MROH7: variants seen among roughly 807,000 people sequenced by gnomAD.
MROH7 encodes maestro heat like repeat family member 7.
MROH7 carries 113 observed loss-of-function variants against 129.2 expected under a neutral mutation model. The observed-to-expected ratio is 0.87, with a 90% CI of 0.75 to 1.02. The LOEUF (loss-of-function observed/expected upper bound fraction) is 1.02, where lower values mean the gene tolerates loss of function less well. Among genes scored for constraint, MROH7 ranks in the 50% least tolerant of loss-of-function variants. The probability of loss-of-function intolerance (pLI) is 0.00; values close to 1 mark genes in which losing one functional copy is unlikely to be tolerated. For missense variants in MROH7, 1,601 were observed against 1,671.3 expected, an observed-to-expected ratio of 0.96 and a Z score of 0.73; for synonymous variants, 655 against 667.9, an observed-to-expected ratio of 0.98 and a Z score of 0.30.
chr1:54,670,660 T>TGCCC, intron 6 of MROH7, 84 bp downstream of exon 6: 6 of 1,061,674 alleles, frequency 5.7e-6, no homozygotes, highest in East Asian at 2.9e-5. Flanking sequence ...CGCTGTACCC[T>TGCCC]CCCCCAACCC....
intron 15 of MROH7, among the ~76,000 whole-genome samples, chr1:54,687,832 G>T (rs377362040): frequency 6.7e-6 from 1 of 150,228 alleles, no homozygotes; most frequent in Non-Finnish European, 1.5e-5. Context: ...TTTAGTATGC[G>T]TTTCTCTTAT....
chr1:54,672,251 G>A (rs1644913809), intron 7 of MROH7, among the ~76,000 whole-genome samples: 1 of 151,924 alleles, frequency 6.6e-6, no homozygotes, highest in Non-Finnish European at 1.5e-5. Context: ...GGGCAGGAAG[G>A]AGGAGGCAGG....
chr1:54,655,130 T>A (rs1483219947), intron 3 of MROH7, among the ~76,000 whole-genome samples: 1 of 151,548 alleles, frequency 6.6e-6, no homozygotes, highest in Non-Finnish European at 1.5e-5. Flanking sequence ...TTCTCCTGCC[T>A]CAGCCTCTTG....
intron 16 of MROH7, 43 bp from the exon 17 acceptor site, chr1:54,695,333 G>T: frequency 8.6e-7 from 1 of 1,156,712 alleles, no homozygotes; most frequent in South Asian, 1.3e-5. Flanking sequence ...GGTCCCCCTG[G>T]GGCTGGATAC....
At chr1:54,642,629 T>C (rs1426106585) in intron 1 of MROH7, among the ~76,000 whole-genome samples, 1 of 152,128 alleles carries the variant, frequency 6.6e-6, no homozygotes. Context: ...TTTATTTTAT[T>C]TTTTGAGACA....
chr1:54,654,363 A>G (rs185237261), intron 3 of MROH7, among the ~76,000 whole-genome samples: 19 of 152,356 alleles, frequency 1.2e-4, no homozygotes, highest in South Asian at 4.1e-4. Context: ...CTGAGCTTCA[A>G]CTTCATTGAC....
intron 15 of MROH7, among the ~76,000 whole-genome samples, chr1:54,688,566 T>C (rs1314675667): frequency 6.6e-6 from 1 of 152,104 alleles, no homozygotes; most frequent in African/African-American, 2.4e-5. Flanking sequence ...ACCTAGAATG[T>C]TGTATTTTGG....
chr1:54,643,636 CAG>C (rs1000621425), intron 1 of MROH7, among the ~76,000 whole-genome samples: 1 of 152,144 alleles, frequency 6.6e-6, no homozygotes, highest in African/African-American at 2.4e-5. Flanking sequence ...AACTACAAAG[CAG>C]AGTCTCTGAG....
intron 5 of MROH7, among the ~76,000 whole-genome samples, chr1:54,670,192 G>A (rs534424156): frequency 1.4e-4 from 21 of 152,198 alleles, no homozygotes; most frequent in Admixed American, 1.2e-3. Context: ...TTGGAGGCCA[G>A]GCATGGTGGC....
chr1:54,676,401 CTTAT>C (rs1180065036), intron 10 of MROH7, among the ~76,000 whole-genome samples: 2 of 151,836 alleles, frequency 1.3e-5, no homozygotes, highest in Non-Finnish European at 2.9e-5. Flanking sequence ...CCATGCCCAG[CTTAT>C]TTATTTATTA....
chr1:54,691,803 AGTGTGTGT>A (rs373106798), intron 15 of MROH7, among the ~76,000 whole-genome samples: 10,479 of 104,032 alleles, frequency 0.1, 738 homozygotes, highest in African/African-American at 0.22. Context: ...AAAAAAAAAA[AGTGTGTGT>A]GTGTGTGTGT....
chr1:54,670,657 C>T (rs1293134768), intron 6 of MROH7, 81 bp downstream of exon 6: 2 of 1,402,870 alleles, frequency 1.4e-6, no homozygotes, highest in Admixed American at 2.0e-5. Context: ...CTTCGCTGTA[C>T]CCTCCCCCAA....
chr1:54,670,452 G>T, intron 5 of MROH7, 45 bp from the exon 6 acceptor site: 1 of 1,572,654 alleles, frequency 6.4e-7, no homozygotes, highest in Non-Finnish European at 8.7e-7. Context: ...CTGGTGGCCT[G>T]CAGTAGCCCT....
At chr1:54,692,365 G>A in intron 15 of MROH7, 59 bp from the exon 16 acceptor site, 1 of 1,596,288 alleles carries the variant, frequency 6.3e-7, no homozygotes, top group Non-Finnish European at 8.6e-7. Context: ...GGGGTGGAGG[G>A]AGGCTTGGCC....
intron 3 of MROH7, among the ~76,000 whole-genome samples, chr1:54,654,650 G>A (rs1644613431): frequency 1.3e-5 from 2 of 150,994 alleles, no homozygotes; most frequent in African/African-American, 4.9e-5. Context: ...TCCAGCCTGG[G>A]CAACAAGAGC....
chr1:54,650,169 A>G (rs1462899166), intron 1 of MROH7, among the ~76,000 whole-genome samples: 1 of 152,192 alleles, frequency 6.6e-6, no homozygotes, highest in African/African-American at 2.4e-5. Flanking sequence ...CAGGCACTGT[A>G]ACTACAATCA....
At position 54,673,191 on chromosome 1, in the gene MROH7, G is replaced by A. The variant is rs775233678; in HGVS notation, c.1695+5G>A. The A allele has an allele frequency of 3.1e-6, 5 of 1,606,944 alleles. No homozygotes were observed. Among genetic ancestry groups the A allele is most frequent in the South Asian group, 2.2e-5 (2 of 90,542 alleles). On this transcript the variant is annotated splice_donor_5th_base_variant and intron_variant, in intron 8 of 23. Coordinates refer to ENST00000421030, the MANE Select transcript of MROH7 (RefSeq NM_001039464.4). ...GGGCTGAAGAGCATCTTGGAGGTGC[G>A]GAGATGGGAGGGGCAAGGAAGGGAG...
Position 54,699,134 on chromosome 1 carries a change from C to CT in MROH7, c.2965-1184dup, listed in dbSNP as rs1268311441. 185 of 98,732 alleles carry CT rather than the reference C, an allele frequency of 1.9e-3. 7 individuals carry two copies. Among genetic ancestry groups the CT allele is most frequent in the African/African-American group, 6.5e-3 (163 of 25,158 alleles). The allele number at this position is 98,732 out of a possible 1,614,324, so 6.1% of individuals were successfully genotyped here. ...TCTTTCTTTCTTTCTTTCTTTCTTT[C>CT]TTTCTTTCTTTCTTTCTTTCTTTCT... is the stretch of plus-strand genomic sequence containing the variant. On this transcript the variant is annotated intron_variant, in intron 17 of 23. Transcript: ENST00000421030.
chr1:54,665,448 A>G (rs1644798806), intron 4 of MROH7, among the ~76,000 whole-genome samples: 1 of 152,158 alleles, frequency 6.6e-6, no homozygotes, highest in Non-Finnish European at 1.5e-5. Context: ...CATATCCTCC[A>G]TTACTCGGGC....
Sources: allele counts gnomAD v4.1 joint callset (sites outside exome capture counted in the v4.1 genomes callset), GRCh38; gene constraint gnomAD v4.1.1; transcripts MANE v1.5; gene names NCBI Gene and HGNC (gene_info 2026-07-23, HGNC 2026-07-21).